Variants in ANO1 observed in about 807,000 individuals in gnomAD.
ANO1 encodes the protein anoctamin-1.
A neutral mutation model predicts 124.0 loss-of-function variants in ANO1; 59 were observed. The observed-to-expected ratio is 0.48, with a 90% CI of 0.39 to 0.59. The LOEUF is 0.59. Ranked by LOEUF, ANO1 falls within the 20% of genes least tolerant of loss-of-function variation. ANO1 has a pLI of 0.00. For missense variants in ANO1, 1,059 were observed against 1,328.0 expected, an observed-to-expected ratio of 0.80 and a Z score of 3.15; for synonymous variants, 529 against 532.0, an observed-to-expected ratio of 0.99 and a Z score of 0.08.
chr11:70,021,312 G>A (rs1856803034), intron 1 of ANO1, among the ~76,000 whole-genome samples: 2 of 152,178 alleles, frequency 1.3e-5, no homozygotes, highest in South Asian at 4.1e-4. Flanking sequence ...CGTGCTCACT[G>A]ACTTGACGAA....
At position 70,078,614 on chromosome 11, in the gene ANO1, T is replaced by G. The variant is rs1590669243; in HGVS notation, c.8T>G (p.Val3Gly). The change falls in exon 1 of 26, where the codon GTC (valine) becomes GGC (glycine). Residue 3 changes from valine to glycine, a missense_variant. Physicochemically the swap from Val to Gly is moderately radical, Grantham distance 109. This residue lies in a region of ANO1 where 250 missense variants were observed against 233.1 expected (regional missense o/e 1.07). Transcript: ENST00000355303. ...AGCGCACAGGCGGCCACGATGAGGG[T>G]CAACGAGAAGTACTCGACGCTCCCG... MR[V>G]NEKYSTLPAE... 1 of 1,489,438 alleles carries G rather than the reference T, an allele frequency of 6.7e-7. No homozygotes were observed. The highest frequency in any genetic ancestry group is 9.0e-7 in the Non-Finnish European group (1 of 1,110,618). 92.3% of individuals were successfully genotyped at this position (1,489,438 alleles called of 1,614,324 possible).
chr11:70,040,169 A>G (rs574056277), intron 1 of ANO1, among the ~76,000 whole-genome samples: 6 of 152,204 alleles, frequency 3.9e-5, no homozygotes, highest in East Asian at 1.9e-4. Flanking sequence ...AAGACCCACA[A>G]TGGGATAATA....
intron 11 of ANO1, among the ~76,000 whole-genome samples, chr11:70,137,977 T>C (rs78408009): frequency 0.012 from 1,760 of 147,724 alleles, 88 homozygotes; most frequent in African/African-American, 0.039. Flanking sequence ...TCCTAGGAGA[T>C]TGAGCTTAAA....
upstream of ANO1, among the ~76,000 whole-genome samples, chr11:69,982,704 C>G (rs1258557304): frequency 6.6e-6 from 1 of 152,166 alleles, no homozygotes; most frequent in African/African-American, 2.4e-5. Context: ...AGGCCATAGG[C>G]CCGGCTTCTG....
At chr11:70,106,486 A>T (rs545290335) in intron 5 of ANO1, among the ~76,000 whole-genome samples, 47 of 152,330 alleles carry the variant, frequency 3.1e-4, no homozygotes, top group African/African-American at 1.0e-3. Flanking sequence ...CCTTGTCCAG[A>T]CAACTACTCC....
chr11:70,158,913 G>A (rs2047934425), intron 16 of ANO1, among the ~76,000 whole-genome samples: 1 of 152,136 alleles, frequency 6.6e-6, no homozygotes, highest in Admixed American at 6.5e-5. Flanking sequence ...GCCTCGTGCT[G>A]AGGGGATGTG....
At chr11:70,152,610 C>T in intron 13 of ANO1, 149 bp downstream of exon 13, 2 of 953,138 alleles carry the variant, frequency 2.1e-6, no homozygotes, top group Non-Finnish European at 1.6e-6. Flanking sequence ...CCTCCGGTCT[C>T]TCCTAACCTG....
intron 10 of ANO1, among the ~76,000 whole-genome samples, chr11:70,126,566 G>A (rs2046519390): frequency 1.3e-5 from 2 of 151,832 alleles, no homozygotes; most frequent in Admixed American, 6.6e-5. Context: ...TGAATGCTAG[G>A]GGCTTCAGTG....
chr11:70,177,498 C>A (rs111641086), intron 22 of ANO1, among the ~76,000 whole-genome samples: 6 of 151,934 alleles, frequency 3.9e-5, no homozygotes, highest in African/African-American at 1.5e-4. Flanking sequence ...CTGCAGGGGG[C>A]GCCCCCGGGC....
chr11:70,018,622 T>C (rs1555002279), intron 1 of ANO1, among the ~76,000 whole-genome samples: 1 of 152,150 alleles, frequency 6.6e-6, no homozygotes, highest in East Asian at 1.9e-4. Flanking sequence ...CCTCCCAACC[T>C]GGCTTGGACA....
intron 2 of ANO1, among the ~76,000 whole-genome samples, chr11:70,096,990 G>T (rs1023757200): frequency 7.2e-5 from 11 of 152,144 alleles, no homozygotes; most frequent in African/African-American, 2.7e-4. Context: ...GTTGGGGACC[G>T]CTGTTTCAGG....
chr11:70,162,795 C>G (rs746291992), intron 18 of ANO1, among the ~76,000 whole-genome samples: 21 of 152,238 alleles, frequency 1.4e-4, no homozygotes, highest in Non-Finnish European at 2.8e-4. Context: ...GAAGCCTACA[C>G]GCCCCACACC....
At chr11:70,056,073 T>C (rs1857428110) in intron 1 of ANO1, among the ~76,000 whole-genome samples, 1 of 151,846 alleles carries the variant, frequency 6.6e-6, no homozygotes, top group South Asian at 2.1e-4. Flanking sequence ...TCAATATTCA[T>C]TTAGCTTTAC....
chr11:70,057,348 A>G (rs61886437), intron 1 of ANO1, among the ~76,000 whole-genome samples: 2,009 of 152,238 alleles, frequency 0.013, 17 homozygotes, highest in South Asian at 0.016. Context: ...GGACTTATGG[A>G]AAGCAGGTCT....
intron 8 of ANO1, among the ~76,000 whole-genome samples, chr11:70,116,924 A>G (rs766596858): frequency 1.7e-4 from 26 of 152,196 alleles, no homozygotes; most frequent in Non-Finnish European, 2.8e-4. Flanking sequence ...GTGCACAGAG[A>G]ACAATGGCCC....
At chr11:70,042,233 G>T (rs976236995) in intron 1 of ANO1, among the ~76,000 whole-genome samples, 2 of 152,192 alleles carry the variant, frequency 1.3e-5, no homozygotes, top group Non-Finnish European at 1.5e-5. Flanking sequence ...TGAAATGTGG[G>T]ACAGCAGCCC....
intron 1 of ANO1, among the ~76,000 whole-genome samples, chr11:70,066,211 A>T (rs1350748916): frequency 1.3e-5 from 2 of 152,230 alleles, no homozygotes; most frequent in Non-Finnish European, 2.9e-5. Context: ...GCAGATGGCC[A>T]AGTCTGTGAC....
intron 1 of ANO1, among the ~76,000 whole-genome samples, chr11:70,037,077 C>A (rs1013202119): frequency 6.6e-6 from 1 of 152,186 alleles, no homozygotes; most frequent in Admixed American, 6.5e-5. Flanking sequence ...TCTCATCTGT[C>A]GGCCTTTAGT....
the ANO1 span, among the ~76,000 whole-genome samples, chr11:69,976,299 G>A: frequency 4.6e-5 from 7 of 152,036 alleles, no homozygotes; most frequent in Non-Finnish European, 1.0e-4. Context: ...CATGAGGTCA[G>A]GAGTTCGAGA....
Sources: gnomAD v4.1 joint callset for allele counts (sites outside exome capture counted in the v4.1 genomes callset) on GRCh38, gnomAD v4.1.1 for gene constraint, gnomAD v4.1.1 regional missense constraint, MANE v1.5 for transcripts, NCBI Gene and HGNC (gene_info 2026-07-23, HGNC 2026-07-21) for gene names.